The following STK32B variants were observed in gnomAD, a reference collection of about 807,000 sequenced individuals.
STK32B encodes serine/threonine-protein kinase 32B.
In STK32B, 43 loss-of-function variants were observed where a neutral mutation model predicts 52.6. The ratio of observed to expected loss-of-function variants is 0.82; its 90% confidence interval spans 0.64 to 1.05. The LOEUF is 1.05. Ranked by LOEUF, STK32B falls within the 50% of genes least tolerant of loss-of-function variation. STK32B has a pLI of 0.00. For missense variants in STK32B, 621 were observed against 534.6 expected (o/e 1.16, Z -1.59); for synonymous variants, 238 against 204.3 (o/e 1.17, Z -1.41).
chr4:5,368,432 A>G (rs1212820014), intron 4 of STK32B, among the ~76,000 whole-genome samples: 1 of 151,858 alleles, frequency 6.6e-6, no homozygotes, highest in Non-Finnish European at 1.5e-5. Context: ...TCCTCACACA[A>G]CGTCATGAGT....
At chr4:5,369,769 G>A (rs1476086208) in intron 4 of STK32B, among the ~76,000 whole-genome samples, 1 of 152,180 alleles carries the variant, frequency 6.6e-6, no homozygotes, top group Non-Finnish European at 1.5e-5. Flanking sequence ...GAGCCTGGTG[G>A]CCAGGCAACA....
intron 6 of STK32B, among the ~76,000 whole-genome samples, chr4:5,422,468 A>G (rs917561971): frequency 6.6e-6 from 1 of 152,194 alleles, no homozygotes; most frequent in Non-Finnish European, 1.5e-5. Context: ...AAAAATTTGC[A>G]TAGGGCTGAA....
At chr4:5,290,751 TTAAA>T (rs200492389) in intron 3 of STK32B, among the ~76,000 whole-genome samples, 10,648 of 115,584 alleles carry the variant, frequency 0.092, 435 homozygotes, top group South Asian at 0.15. Flanking sequence ...ATTGAAAAAC[TTAAA>T]TAAGATATAC....
intron 6 of STK32B, among the ~76,000 whole-genome samples, chr4:5,422,964 C>T (rs1354421397): frequency 1.3e-5 from 2 of 152,086 alleles, no homozygotes; most frequent in African/African-American, 4.8e-5. Context: ...GGGAGTGAAG[C>T]ACCATTGTGT....
chr4:5,282,316 G>A (rs898102895), intron 3 of STK32B, among the ~76,000 whole-genome samples: 1 of 152,052 alleles, frequency 6.6e-6, no homozygotes, highest in Non-Finnish European at 1.5e-5. Flanking sequence ...AGATTCTCAA[G>A]TCCCTTATAT....
chr4:5,465,067 C>T (rs1038120234), intron 9 of STK32B, among the ~76,000 whole-genome samples: 3 of 152,074 alleles, frequency 2.0e-5, no homozygotes, highest in Admixed American at 6.6e-5. Flanking sequence ...ATTGGTACCG[C>T]GAACCCAAGG....
intron 3 of STK32B, among the ~76,000 whole-genome samples, chr4:5,200,001 C>G (rs540087918): frequency 6.6e-6 from 1 of 152,256 alleles, no homozygotes; most frequent in East Asian, 1.9e-4. Flanking sequence ...ACCACTTTAG[C>G]GAGGTCATGA....
intron 2 of STK32B, among the ~76,000 whole-genome samples, chr4:5,157,624 A>G (rs1255979478): frequency 6.6e-6 from 1 of 152,230 alleles, no homozygotes; most frequent in Admixed American, 6.5e-5. Flanking sequence ...GCAGGAACAG[A>G]GTTAGCAGTG....
intron 1 of STK32B, among the ~76,000 whole-genome samples, chr4:5,065,003 TCTC>T (rs1742361998): frequency 1.3e-5 from 2 of 151,736 alleles, no homozygotes; most frequent in Non-Finnish European, 2.9e-5. Flanking sequence ...GGCTGTTCCT[TCTC>T]CTTCTTCTTT....
intron 6 of STK32B, among the ~76,000 whole-genome samples, chr4:5,431,814 A>G (rs1357454017): frequency 2.0e-5 from 3 of 152,212 alleles, no homozygotes; most frequent in Admixed American, 2.0e-4. Context: ...ATTAATATGT[A>G]AGCGTGTGAC....
intron 3 of STK32B, among the ~76,000 whole-genome samples, chr4:5,203,547 T>C (rs950225223): frequency 1.3e-5 from 2 of 152,168 alleles, no homozygotes; most frequent in African/African-American, 4.8e-5. Context: ...GTACAGGGGT[T>C]GGGCCCTGCT....
intron 5 of STK32B, among the ~76,000 whole-genome samples, chr4:5,413,867 G>T (rs1473183943): frequency 1.3e-5 from 2 of 152,202 alleles, no homozygotes; most frequent in Non-Finnish European, 2.9e-5. Flanking sequence ...CTGGCAAAGT[G>T]CAGAGAAATA....
At chr4:5,073,453 T>A (rs1293668530) in intron 1 of STK32B, among the ~76,000 whole-genome samples, 1 of 152,030 alleles carries the variant, frequency 6.6e-6, no homozygotes, top group East Asian at 1.9e-4. Flanking sequence ...TATATCTTTA[T>A]TTCTACATGT....
At chr4:5,093,303 CAAAA>C (rs1713197611) in intron 1 of STK32B, among the ~76,000 whole-genome samples, 1 of 152,030 alleles carries the variant, frequency 6.6e-6, no homozygotes, top group Non-Finnish European at 1.5e-5. Flanking sequence ...CATTTGAAGT[CAAAA>C]GAAACGTAAA....
intron 1 of STK32B, among the ~76,000 whole-genome samples, chr4:5,095,265 T>C (rs182940110): frequency 1.3e-5 from 2 of 152,274 alleles, no homozygotes; most frequent in East Asian, 3.9e-4. Flanking sequence ...TGTGATGTAA[T>C]GGTAAGCTTA....
At chr4:5,379,431 C>G (rs188749756) in intron 4 of STK32B, among the ~76,000 whole-genome samples, 152 of 152,256 alleles carry the variant, frequency 1.0e-3, no homozygotes, top group Non-Finnish European at 1.9e-3. Context: ...GGAGGCTCCC[C>G]CACTCTGGTA....
At chr4:5,384,745 G>A (rs569367610) in intron 4 of STK32B, among the ~76,000 whole-genome samples, 1 of 152,276 alleles carries the variant, frequency 6.6e-6, no homozygotes, top group East Asian at 1.9e-4. Flanking sequence ...GGATAGCAAG[G>A]AGGTAAAAGG....
At chr4:5,421,754 A>C (rs992012199) in intron 6 of STK32B, among the ~76,000 whole-genome samples, 2 of 152,196 alleles carry the variant, frequency 1.3e-5, no homozygotes, top group African/African-American at 4.8e-5. Flanking sequence ...AGGGAGAAGA[A>C]ATCTGACCTG....
intron 1 of STK32B, among the ~76,000 whole-genome samples, chr4:5,110,677 A>C (rs960008899): frequency 1.3e-5 from 2 of 152,142 alleles, no homozygotes; most frequent in Admixed American, 1.3e-4. Context: ...ACCTAGGGAA[A>C]TGCTCTTCTG....
Sources: gnomAD v4.1 joint callset for allele counts (sites outside exome capture counted in the v4.1 genomes callset) on GRCh38, gnomAD v4.1.1 for gene constraint, MANE v1.5 for transcripts, NCBI Gene and HGNC (gene_info 2026-07-23, HGNC 2026-07-21) for gene names.